The following RARB variants were observed in gnomAD, a reference collection of about 807,000 sequenced individuals.
RARB encodes retinoic acid receptor beta, also known as HBV-activated protein.
Under a neutral mutation model 51.9 loss-of-function variants are expected in RARB, and 17 were observed. The ratio of observed to expected loss-of-function variants is 0.33; its 90% confidence interval spans 0.22 to 0.49. The LOEUF (loss-of-function observed/expected upper bound fraction) is 0.49, where lower values mean the gene tolerates loss of function less well. Ranked by LOEUF, RARB falls within the 20% of genes least tolerant of loss-of-function variation. The probability of loss-of-function intolerance (pLI) is 0.99; values close to 1 mark genes in which losing one functional copy is unlikely to be tolerated. For synonymous variants in RARB, 215 were observed against 195.4 expected (o/e 1.10, Z -0.84); for missense variants, 369 against 550.8 (o/e 0.67, Z 3.30).
chr3:25,586,766 C>T (rs1227915876), intron 5 of RARB, among the ~76,000 whole-genome samples: 1 of 152,220 alleles, frequency 6.6e-6, no homozygotes, highest in Non-Finnish European at 1.5e-5. Context: ...CTGTCCCTCC[C>T]TCTCCCCTTC....
In RARB at chr3:25,227,158, C is replaced by G. The variant is rs553135099; in HGVS notation, c.178+52583C>G. Among the ~76,000 whole-genome samples, 11 of 152,156 alleles carry G rather than the reference C, an allele frequency of 7.2e-5. No homozygotes were observed. In the South Asian group the frequency reaches 1.2e-3, roughly 17 times the overall value. On this transcript the variant is annotated intron_variant, in intron 5 of 11. Transcript: ENST00000383772. ...GTTCTTTGATGGGCTCGTGGGCTCA[C>G]TGAGGAGGTAAATATGTTTGCTGAA... is the stretch of plus-strand genomic sequence containing the variant.
intron 3 of RARB, among the ~76,000 whole-genome samples, chr3:25,084,886 C>T (rs551565309): frequency 6.6e-6 from 1 of 152,030 alleles, no homozygotes; most frequent in East Asian, 1.9e-4. Flanking sequence ...CTTGTATAAA[C>T]CCTACCATAA....
At chr3:24,988,025 C>T (rs572333800) in intron 2 of RARB, among the ~76,000 whole-genome samples, 1 of 151,708 alleles carries the variant, frequency 6.6e-6, no homozygotes, top group South Asian at 2.1e-4. Context: ...CAGTAAGTAA[C>T]AGAGTGCTTG....
intron 2 of RARB, among the ~76,000 whole-genome samples, chr3:24,909,923 C>T (rs767330378): frequency 6.6e-6 from 1 of 152,124 alleles, no homozygotes. Context: ...TTATTCTCCA[C>T]AGTAAAGTGT....
intron 3 of RARB, among the ~76,000 whole-genome samples, chr3:25,101,717 TTTGCAGTGGGA>T (rs1225234659): frequency 6.6e-6 from 1 of 152,046 alleles, no homozygotes; most frequent in Non-Finnish European, 1.5e-5. Flanking sequence ...CCATAGATGC[TTTGCAGTGGGA>T]TTGCTGGATC....
intron 5 of RARB, among the ~76,000 whole-genome samples, chr3:25,369,185 G>A (rs370503936): frequency 2.0e-5 from 3 of 152,198 alleles, no homozygotes; most frequent in African/African-American, 7.2e-5. Flanking sequence ...TACAGTTATA[G>A]TGTTGAAAAT....
intron 3 of RARB, among the ~76,000 whole-genome samples, chr3:25,125,266 G>A (rs7643275): frequency 9.2e-5 from 14 of 152,174 alleles, no homozygotes; most frequent in Non-Finnish European, 2.1e-4. Flanking sequence ...GCAGAGAAAA[G>A]ATTTTGACAG....
At chr3:25,386,940 T>C (rs1706813315) in intron 5 of RARB, among the ~76,000 whole-genome samples, 1 of 152,212 alleles carries the variant, frequency 6.6e-6, no homozygotes, top group African/African-American at 2.4e-5. Context: ...GTAGGCAATT[T>C]TTCCCCTGCA....
At chr3:25,511,405 A>G (rs112966165) in intron 3 of RARB, among the ~76,000 whole-genome samples, 7,056 of 152,270 alleles carry the variant, frequency 0.046, 204 homozygotes, top group Non-Finnish European at 0.069. Context: ...TGCTGGGATT[A>G]CAAGTGTGAG....
At chr3:25,516,631 C>CTTTTTTTTTTTTTTTTTTTTTTTTTTTT (rs559135603) in intron 3 of RARB, among the ~76,000 whole-genome samples, 1 of 131,726 alleles carries the variant, frequency 7.6e-6, no homozygotes, top group African/African-American at 3.3e-5. Flanking sequence ...ATTTCCTTGT[C>CTTTTTTTTTTTTTTTTTTTTTTTTTTTT]TTTTTTTTTT....
At chr3:25,180,277 A>G (rs1700835693) in intron 5 of RARB, among the ~76,000 whole-genome samples, 1 of 152,232 alleles carries the variant, frequency 6.6e-6, no homozygotes, top group Non-Finnish European at 1.5e-5. Context: ...AAGAATTTGT[A>G]TTAGAATTCC....
intron 3 of RARB, among the ~76,000 whole-genome samples, chr3:25,082,707 C>T (rs1699031391): frequency 1.3e-5 from 2 of 151,864 alleles, no homozygotes; most frequent in Non-Finnish European, 2.9e-5. Context: ...TTATGATTAC[C>T]CACATGTTCA....
intron 2 of RARB, among the ~76,000 whole-genome samples, chr3:25,482,052 C>T (rs1696249643): frequency 6.6e-6 from 1 of 152,190 alleles, no homozygotes. Context: ...GGCAGCAGGA[C>T]CCAAGCCCCC....
intron 5 of RARB, among the ~76,000 whole-genome samples, chr3:25,232,426 T>A (rs1702200288): frequency 6.6e-6 from 1 of 152,148 alleles, no homozygotes; most frequent in African/African-American, 2.4e-5. Flanking sequence ...CTTGGCAATA[T>A]TAATACTTCT....
In RARB at chr3:25,482,521, A is replaced by ATTTTTTTTTTT. The variant is rs71087718; in HGVS notation, c.307-18635_307-18625dup. On this transcript the variant is annotated intron_variant, in intron 2 of 7. Coordinates refer to ENST00000330688, the MANE Select transcript of RARB (RefSeq NM_000965.5). ...TAACTTTAAATTTTCTAGCAGCCAA[A>ATTTTTTTTTTT]TTTTTTTTTTTTTTTTTTTTTTTTT... Among the ~76,000 whole-genome samples, 244 of 65,788 alleles carry ATTTTTTTTTTT rather than the reference A, an allele frequency of 3.7e-3. 25 individuals are homozygous for ATTTTTTTTTTT. The highest frequency in any genetic ancestry group is 9.1e-3 in the African/African-American group (130 of 14,282). The allele number at this position is 65,788 out of a possible 152,430, so 43.2% of individuals were successfully genotyped here. A position where few individuals can be genotyped will look rare whatever the true frequency, so the allele number is the denominator to read the frequency against.
chr3:25,459,690 G>A (rs1307668388), intron 1 of RARB, among the ~76,000 whole-genome samples: 1 of 152,170 alleles, frequency 6.6e-6, no homozygotes, highest in Non-Finnish European at 1.5e-5. Flanking sequence ...TAAGTTTAGT[G>A]GGTAGAGTTG....
chr3:24,882,738 C>G (rs530865557), intron 2 of RARB, among the ~76,000 whole-genome samples: 44 of 152,276 alleles, frequency 2.9e-4, no homozygotes, highest in African/African-American at 9.9e-4. Context: ...AGTCCACAGA[C>G]ATTCCCCATG....
chr3:25,347,658 A>G (rs1342621840), intron 5 of RARB, among the ~76,000 whole-genome samples: 1 of 152,206 alleles, frequency 6.6e-6, no homozygotes. Flanking sequence ...AGGTTTAGAC[A>G]TTTTGTAAAA....
At chr3:25,558,440 A>G (rs1018240443) in intron 3 of RARB, among the ~76,000 whole-genome samples, 11 of 150,088 alleles carry the variant, frequency 7.3e-5, no homozygotes, top group African/African-American at 1.5e-4. Context: ...TTTTATTCCA[A>G]TTTCTCCCAC....
Sources: allele counts gnomAD v4.1 joint callset (sites outside exome capture counted in the v4.1 genomes callset), GRCh38; gene constraint gnomAD v4.1.1; transcripts MANE v1.5; gene names NCBI Gene and HGNC (gene_info 2026-07-23, HGNC 2026-07-21).